LIN7A: variants seen among roughly 807,000 people sequenced by gnomAD.
LIN7A encodes the protein protein lin-7 homolog A.
LIN7A carries 25 observed loss-of-function variants against 29.8 expected under a neutral mutation model. The ratio of observed to expected loss-of-function variants is 0.84; its 90% CI spans 0.61 to 1.17. The LOEUF (loss-of-function observed/expected upper bound fraction) is 1.17. Ranked by LOEUF, LIN7A falls within the 50% of genes most tolerant of loss-of-function variation. The pLI is 0.00. For missense variants in LIN7A, 239 were observed against 287.0 expected, an observed-to-expected ratio of 0.83 and a Z score of 1.21; for synonymous variants, 118 against 107.5, an observed-to-expected ratio of 1.10 and a Z score of -0.60.
intron 1 of LIN7A, among the ~76,000 whole-genome samples, chr12:80,911,452 A>G (rs146778243): frequency 6.6e-6 from 1 of 152,054 alleles, no homozygotes; most frequent in African/African-American, 2.4e-5. Context: ...GTAGACTCTA[A>G]GCATAAGGGA....
At chr12:80,913,546 G>A (rs181273416) in intron 1 of LIN7A, among the ~76,000 whole-genome samples, 6 of 152,262 alleles carry the variant, frequency 3.9e-5, no homozygotes, top group Admixed American at 6.5e-5. Context: ...AATACCAGCC[G>A]GAGAAAAGAG....
intron 1 of LIN7A, among the ~76,000 whole-genome samples, chr12:80,913,448 GA>G (rs1876868071): frequency 6.6e-6 from 1 of 152,174 alleles, no homozygotes; most frequent in Non-Finnish European, 1.5e-5. Flanking sequence ...ACAAGGTGTA[GA>G]AAAAAGTTAG....
At position 80,906,001 on chromosome 12, in the gene LIN7A, G is replaced by A. The variant is rs1163818844; in HGVS notation, c.83-16632C>T. 2.0e-5 allele frequency among the ~76,000 whole-genome samples: 3 copies of A among 152,026 alleles called. No individual in the cohort carries two copies. The South Asian group carries it at 6.2e-4, about 32-fold the overall frequency. On this transcript the variant is annotated intron_variant, in intron 1 of 5. Coordinates refer to ENST00000552864, the MANE Select transcript of LIN7A (RefSeq NM_004664.4). ...TAGATAAGTTCTTTCATAAAGATGG[G>A]AAGTCCTCAAAGAGCTAGTATTTTT...
chr12:80,901,396 T>C (rs189383488), intron 1 of LIN7A, among the ~76,000 whole-genome samples: 97 of 152,292 alleles, frequency 6.4e-4, no homozygotes, highest in African/African-American at 2.1e-3. Flanking sequence ...GATCTCTCAA[T>C]AAGTTAAATA....
chr12:80,902,273 G>T (rs1183304853), intron 1 of LIN7A, among the ~76,000 whole-genome samples: 3 of 146,180 alleles, frequency 2.1e-5, no homozygotes, highest in African/African-American at 7.8e-5. Flanking sequence ...TGGCTTTATG[G>T]TATAGTTCAA....
intron 2 of LIN7A, among the ~76,000 whole-genome samples, chr12:80,875,936 G>A (rs1048345149): frequency 6.6e-6 from 1 of 151,914 alleles, no homozygotes; most frequent in African/African-American, 2.4e-5. Context: ...TTACATTTTT[G>A]CCCCCTTTGG....
intron 1 of LIN7A, among the ~76,000 whole-genome samples, chr12:80,922,433 C>T (rs1877364807): frequency 6.6e-6 from 1 of 152,124 alleles, no homozygotes; most frequent in African/African-American, 2.4e-5. Flanking sequence ...GCACTATTAC[C>T]ACTTTTCACT....
At chr12:80,858,581 C>G (rs931977953) in intron 2 of LIN7A, among the ~76,000 whole-genome samples, 1 of 151,084 alleles carries the variant, frequency 6.6e-6, no homozygotes, top group Admixed American at 6.6e-5. Context: ...GTCCTTGTTA[C>G]ACAGTCAGAA....
chr12:80,818,214 A>G (rs1325632866), intron 4 of LIN7A, among the ~76,000 whole-genome samples: 1 of 152,130 alleles, frequency 6.6e-6, no homozygotes, highest in African/African-American at 2.4e-5. Context: ...GCTGGAGTGC[A>G]GTGGCCGGAT....
chr12:80,930,906 T>C (rs1036557649), intron 1 of LIN7A, among the ~76,000 whole-genome samples: 3 of 152,250 alleles, frequency 2.0e-5, no homozygotes, highest in Non-Finnish European at 4.4e-5. Context: ...CATTCACTCA[T>C]TCAATCAACA....
At position 80,796,743 on chromosome 12, in the gene LIN7A, A is replaced by G. The variant is rs1362912602; in HGVS notation, c.*984T>C. ...TAGTTTTGCTAAGCTTTAAAATATG[A>G]AATAGGCTTCTATGACAGCACATCA... On this transcript the variant is annotated 3_prime_UTR_variant, in exon 6 of 6. Coordinates refer to ENST00000552864, the MANE Select transcript of LIN7A (RefSeq NM_004664.4). 2.0e-5 allele frequency: 3 copies of G among 152,182 alleles called. No individual in the cohort carries two copies. The highest frequency in any genetic ancestry group is 6.6e-5 in the Admixed American group (1 of 15,266). The allele number at this position is 152,182 out of a possible 1,614,324, so 9.4% of individuals were successfully genotyped here.
At chr12:80,871,964 T>A (rs903169926) in intron 2 of LIN7A, among the ~76,000 whole-genome samples, 10 of 152,084 alleles carry the variant, frequency 6.6e-5, no homozygotes, top group African/African-American at 2.4e-4. Flanking sequence ...TAGCATTAAC[T>A]CTTTTGACAA....
chr12:80,912,449 C>T (rs997871493), intron 1 of LIN7A, among the ~76,000 whole-genome samples: 6 of 152,086 alleles, frequency 3.9e-5, no homozygotes, highest in African/African-American at 1.4e-4. Flanking sequence ...GGCATGGTGG[C>T]TCACACCTGT....
At chr12:80,892,020 C>T (rs749587581) in intron 1 of LIN7A, among the ~76,000 whole-genome samples, 1 of 152,306 alleles carries the variant, frequency 6.6e-6, no homozygotes, top group South Asian at 2.1e-4. Flanking sequence ...ATCTCCTCAA[C>T]AATGTCTTCC....
chr12:80,843,527 A>G (rs906996815), intron 4 of LIN7A, among the ~76,000 whole-genome samples: 3 of 152,164 alleles, frequency 2.0e-5, no homozygotes, highest in Non-Finnish European at 4.4e-5. Flanking sequence ...AGAGTTTGCC[A>G]TAAGACTTAC....
intron 4 of LIN7A, among the ~76,000 whole-genome samples, chr12:80,838,356 C>T (rs139309816): frequency 6.6e-6 from 1 of 152,138 alleles, no homozygotes; most frequent in African/African-American, 2.4e-5. Flanking sequence ...GTTACCTGTG[C>T]TATTGAGATA....
At chr12:80,923,573 A>C (rs564773979) in intron 1 of LIN7A, among the ~76,000 whole-genome samples, 1 of 152,178 alleles carries the variant, frequency 6.6e-6, no homozygotes. Context: ...CTTTACCAAC[A>C]TTGCTATGTA....
chr12:80,906,109 T>A (rs1461757909), intron 1 of LIN7A, among the ~76,000 whole-genome samples: 2 of 152,204 alleles, frequency 1.3e-5, no homozygotes, highest in African/African-American at 2.4e-5. Flanking sequence ...CATTCTCTTG[T>A]CAGTAGATAC....
intron 5 of LIN7A, among the ~76,000 whole-genome samples, chr12:80,808,797 G>A (rs1056643547): frequency 2.0e-5 from 3 of 151,138 alleles, no homozygotes; most frequent in Admixed American, 6.6e-5. Flanking sequence ...GAGCCACCAC[G>A]CTTGGCTCCC....
Sources: allele counts gnomAD v4.1 joint callset (sites outside exome capture counted in the v4.1 genomes callset), GRCh38; gene constraint gnomAD v4.1.1; transcripts MANE v1.5; gene names NCBI Gene and HGNC (gene_info 2026-07-23, HGNC 2026-07-21).